Variants in DRC8 observed in about 807,000 individuals in gnomAD.
The protein encoded by DRC8 is dynein regulatory complex protein 8.
At chr1:245,069,585 A>G in the DRC8 span, among the ~76,000 whole-genome samples, 1 of 152,210 alleles carries the variant, frequency 6.6e-6, no homozygotes, top group Admixed American at 6.5e-5. Context: ...CCCAACTCCT[A>G]GAAACAGAAA....
chr1:244,974,952 A>G, the DRC8 span, among the ~76,000 whole-genome samples: 1 of 150,478 alleles, frequency 6.6e-6, no homozygotes, highest in Non-Finnish European at 1.5e-5. Flanking sequence ...TTTTTTTGAG[A>G]TGGAGTCTCG....
At chr1:245,093,186 G>GT in the DRC8 span, among the ~76,000 whole-genome samples, 1 of 152,104 alleles carries the variant, frequency 6.6e-6, no homozygotes, top group Non-Finnish European at 1.5e-5. Context: ...TGGGCTGCTG[G>GT]TGGGGAGATA....
At chr1:244,993,862 G>A in the DRC8 span, among the ~76,000 whole-genome samples, 6 of 152,286 alleles carry the variant, frequency 3.9e-5, no homozygotes, top group Non-Finnish European at 8.8e-5. Context: ...CAGAGCCCTC[G>A]TGGCCTAATC....
chr1:245,102,364 T>G, the DRC8 span, among the ~76,000 whole-genome samples: 1 of 151,868 alleles, frequency 6.6e-6, no homozygotes, highest in African/African-American at 2.4e-5. Flanking sequence ...ATTTATTTAT[T>G]TTTGAGATGG....
At chr1:245,039,381 G>A in the DRC8 span, among the ~76,000 whole-genome samples, 1 of 142,094 alleles carries the variant, frequency 7.0e-6, no homozygotes, top group Non-Finnish European at 1.5e-5. Flanking sequence ...AGGTTGAGGT[G>A]GTTGGATTGC....
chr1:245,108,867 C>T, the DRC8 span, among the ~76,000 whole-genome samples: 2 of 152,154 alleles, frequency 1.3e-5, no homozygotes, highest in Non-Finnish European at 1.5e-5. Flanking sequence ...CAGCCCCATC[C>T]GATCCATTAT....
the DRC8 span, among the ~76,000 whole-genome samples, chr1:245,121,324 T>C: frequency 1.2e-4 from 19 of 152,330 alleles, no homozygotes; most frequent in South Asian, 4.1e-4. Context: ...CTGGCTTATA[T>C]GTAACGGAAG....
the DRC8 span, among the ~76,000 whole-genome samples, chr1:245,032,493 C>T: frequency 6.6e-6 from 1 of 152,184 alleles, no homozygotes; most frequent in Non-Finnish European, 1.5e-5. Flanking sequence ...TGTAACAGCT[C>T]CAGTTTCTAC....
At chr1:245,080,686 C>G in the DRC8 span, among the ~76,000 whole-genome samples, 1 of 152,216 alleles carries the variant, frequency 6.6e-6, no homozygotes, top group African/African-American at 2.4e-5. Context: ...ATCCATTTCT[C>G]TCTCCATGGC....
the DRC8 span, among the ~76,000 whole-genome samples, chr1:245,027,127 C>G: frequency 1.3e-5 from 2 of 152,196 alleles, no homozygotes; most frequent in East Asian, 1.9e-4. Flanking sequence ...TCTTTACCAT[C>G]TCACTTTGTA....
chr1:244,982,838 G>A, the DRC8 span, among the ~76,000 whole-genome samples: 80 of 152,116 alleles, frequency 5.3e-4, no homozygotes, highest in Non-Finnish European at 1.0e-3. Flanking sequence ...TGAGGCGGGT[G>A]GATCACCTGA....
the DRC8 span, among the ~76,000 whole-genome samples, chr1:245,077,085 T>C: frequency 2.6e-5 from 4 of 152,078 alleles, no homozygotes; most frequent in Non-Finnish European, 5.9e-5. Flanking sequence ...TGCTTGATGA[T>C]AGTGATTCAA....
the DRC8 span, among the ~76,000 whole-genome samples, chr1:245,114,999 C>T: frequency 2.0e-5 from 3 of 152,166 alleles, no homozygotes; most frequent in African/African-American, 7.2e-5. Context: ...GCTGGGATTA[C>T]AGGCGTGAGC....
At chr1:245,125,132 A>G in the DRC8 span, 2 of 152,228 alleles carry the variant, frequency 1.3e-5, no homozygotes, top group Non-Finnish European at 2.9e-5. Flanking sequence ...TCATCAGCTG[A>G]TGAGCATTTG....
chr1:245,025,061 T>A, the DRC8 span, among the ~76,000 whole-genome samples: 1 of 152,174 alleles, frequency 6.6e-6, no homozygotes, highest in East Asian at 1.9e-4. Context: ...TTTTTTTAAT[T>A]TAGTCAAATT....
At chr1:244,978,417 C>T in the DRC8 span, among the ~76,000 whole-genome samples, 3 of 148,372 alleles carry the variant, frequency 2.0e-5, no homozygotes, top group South Asian at 4.4e-4. Flanking sequence ...CACTTGAACC[C>T]GGGAGGCGGA....
the DRC8 span, among the ~76,000 whole-genome samples, chr1:244,978,990 C>T: frequency 6.6e-6 from 1 of 152,100 alleles, no homozygotes; most frequent in Admixed American, 6.6e-5. Context: ...GTGATAAGTG[C>T]TATGATAGTT....
At chr1:245,088,762 T>G in the DRC8 span, among the ~76,000 whole-genome samples, 1 of 152,016 alleles carries the variant, frequency 6.6e-6, no homozygotes, top group Non-Finnish European at 1.5e-5. The surrounding 1 kb of genome is among the most constrained non-coding windows in gnomAD (Gnocchi z 4.6). Context: ...ACGAGTAGTT[T>G]AGTAAGTGGG....
At chr1:245,045,049 C>G in the DRC8 span, among the ~76,000 whole-genome samples, 1 of 151,902 alleles carries the variant, frequency 6.6e-6, no homozygotes, top group South Asian at 2.1e-4. Flanking sequence ...GTTCTGTCAC[C>G]CAGGCTGCCG....
Sources: allele counts gnomAD v4.1 joint callset (sites outside exome capture counted in the v4.1 genomes callset), GRCh38; gene constraint gnomAD v4.1.1; non-coding constraint Gnocchi (gnomAD v3.1); transcripts MANE v1.5; gene names NCBI Gene and HGNC (gene_info 2026-07-23, HGNC 2026-07-21).